Variants in RPL28 observed in about 807,000 individuals in gnomAD.
RPL28 encodes the protein large ribosomal subunit protein eL28.
In RPL28, 4 loss-of-function variants were observed where a neutral mutation model predicts 12.5. The observed-to-expected ratio is 0.32, with a 90% CI of 0.16 to 0.73. The LOEUF (loss-of-function observed/expected upper bound fraction) is 0.73. RPL28 is among the 30% of genes least tolerant of loss of function. The pLI is 0.66. For missense variants in RPL28, 214 were observed against 197.7 expected, an observed-to-expected ratio of 1.08 and a Z score of -0.49; for synonymous variants, 91 against 72.5, an observed-to-expected ratio of 1.26 and a Z score of -1.30.
chr19:55,387,596 T>C, intron 3 of RPL28: 1 of 1,400,254 alleles, frequency 7.1e-7, no homozygotes, highest in Non-Finnish European at 9.2e-7. Flanking sequence ...CCTGGGAAGC[T>C]GTTCATACCC....
At position 55,389,023 on chromosome 19, in the gene RPL28, A is replaced by T; in HGVS notation, c.*691A>T. ...CTGTCTCTTTGAGCTGGCTCTTGTC[A>T]CTTAGGTCTCATCTCAGTGGCCGCT... On this transcript the variant is annotated 3_prime_UTR_variant, in exon 5 of 5. Transcript: ENST00000344063. The T allele has an allele frequency of 5.1e-6, 5 of 985,196 alleles. No individual in the cohort carries two copies. The highest frequency in any genetic ancestry group is 4.8e-6 in the Non-Finnish European group (4 of 829,914). The allele number at this position is 985,196 out of a possible 1,614,324, so 61.0% of individuals were successfully genotyped here.
At chr19:55,386,751 G>T in intron 3 of RPL28, 58 bp downstream of exon 3, 1 of 1,610,740 alleles carries the variant, frequency 6.2e-7, no homozygotes, top group Non-Finnish European at 8.5e-7. Flanking sequence ...TGGGAGCTGT[G>T]ATTTTTTACT....
At chr19:55,386,521 A>G (rs200556505) in intron 2 of RPL28, 49 bp from the exon 3 acceptor site, 1 of 1,600,668 alleles carries the variant, frequency 6.2e-7, no homozygotes, top group Admixed American at 1.7e-5. Context: ...GGACCTTCGC[A>G]TGTCTCCGGG....
chr19:55,393,251 C>CTG (rs2090002858), downstream of RPL28, among the ~76,000 whole-genome samples: 2 of 123,962 alleles, frequency 1.6e-5, no homozygotes, highest in Non-Finnish European at 3.4e-5. Context: ...CGCACCCCCC[C>CTG]CCCCCCCCGA....
rs569338798 is a variant in RPL28 at position 55,397,609 on chromosome 19, T to A, written c.325-5334T>A. 1.4e-3 allele frequency among the ~76,000 whole-genome samples: 216 copies of A among 152,172 alleles called. 1 individual carries two copies. Among genetic ancestry groups the A allele is most frequent in the African/African-American group, 4.6e-3 (190 of 41,536 alleles). On this transcript the variant is annotated intron_variant, in intron 4 of 4. Coordinates refer to the RPL28 transcript ENST00000560055. ...GTTAGCCAGGATAGTCTCGATCTCC[T>A]GATCTTGTGATCCACCCGCCTCGAC...
At chr19:55,402,529 A>G (rs1431603084) in intron 4 of RPL28, among the ~76,000 whole-genome samples, 1 of 152,160 alleles carries the variant, frequency 6.6e-6, no homozygotes, top group Non-Finnish European at 1.5e-5. Flanking sequence ...GTCTGGGCAA[A>G]CTGGCCACAG....
chr19:55,399,194 TCTCG>T (rs1255662547), intron 4 of RPL28, among the ~76,000 whole-genome samples: 1 of 151,900 alleles, frequency 6.6e-6, no homozygotes, highest in East Asian at 1.9e-4. Context: ...TGAGACAGAG[TCTCG>T]CTCTGTCACC....
In RPL28 at chr19:55,389,497, A is replaced by G; in HGVS notation, c.*1165A>G. 1 of 985,356 alleles carries G rather than the reference A, an allele frequency of 1.0e-6. No individual in the cohort carries two copies. Among genetic ancestry groups the G allele is most frequent in the Non-Finnish European group, 1.2e-6 (1 of 829,924 alleles). 61.0% of individuals were successfully genotyped at this position (985,356 alleles called of 1,614,324 possible). A position where few individuals can be genotyped will look rare whatever the true frequency, so the allele number is the denominator to read the frequency against. On this transcript the variant is annotated 3_prime_UTR_variant, in exon 5 of 5. Transcript: ENST00000344063. Reference sequence around the variant, plus strand: ...CTGCCATCCTGGGGTACCCGATTCAAAGAAGGACTCTGCTCCCTGTCTGAG... The same window carrying G: ...CTGCCATCCTGGGGTACCCGATTCAGAGAAGGACTCTGCTCCCTGTCTGAG...
Position 55,388,825 on chromosome 19 carries a change from A to T in RPL28, c.*493A>T. 1 of 988,250 alleles carries T rather than the reference A, an allele frequency of 1.0e-6. No homozygotes were observed. The highest frequency in any genetic ancestry group is 1.2e-6 in the Non-Finnish European group (1 of 831,914). 61.2% of individuals were successfully genotyped at this position (988,250 alleles called of 1,614,324 possible). Reference sequence around the variant, plus strand: ...GCATCCAGGGAGTGGGTGCAGCCACATTTGGAGGGGATGGGCTTTACTTGA... The same window carrying T: ...GCATCCAGGGAGTGGGTGCAGCCACTTTTGGAGGGGATGGGCTTTACTTGA... On this transcript the variant is annotated 3_prime_UTR_variant, in exon 5 of 5. Coordinates refer to ENST00000344063, the MANE Select transcript of RPL28 (RefSeq NM_000991.5).
At position 55,389,948 on chromosome 19, in the gene RPL28, T is replaced by C. The variant is rs572961291; in HGVS notation, c.*1616T>C. The C allele has an allele frequency of 2.2e-4, 213 of 985,390 alleles. No individual in the cohort carries two copies. The highest frequency in any genetic ancestry group is 2.4e-4 in the Non-Finnish European group (202 of 829,984). The allele number at this position is 985,390 out of a possible 1,614,324, so 61.0% of individuals were successfully genotyped here. On this transcript the variant is annotated 3_prime_UTR_variant, in exon 5 of 5. Coordinates refer to ENST00000344063, the MANE Select transcript of RPL28 (RefSeq NM_000991.5). ...CCATCTCTGGCTGGCCTCACTGCGC[T>C]GGGACTCCGCCTTCATAAGGAGAGC...
chr19:55,402,752 A>G (rs1459900717), intron 4 of RPL28, among the ~76,000 whole-genome samples: 1 of 152,124 alleles, frequency 6.6e-6, no homozygotes, highest in African/African-American at 2.4e-5. Context: ...CTCGGTGCCA[A>G]TGTCCCCAGC....
chr19:55,391,979 C>T lies in RPL28; in HGVS notation c.*3647C>T. The T allele has an allele frequency of 2.6e-6, 3 of 1,167,450 alleles. No homozygotes were observed. The highest frequency in any genetic ancestry group is 3.2e-6 in the Non-Finnish European group (3 of 943,530). 72.3% of individuals were successfully genotyped at this position (1,167,450 alleles called of 1,614,324 possible). ...CCCGTGTTTGTGAATATCATTCTGT[C>T]CTCAGCTGCATTTCCAGCCCAGGCT... On this transcript the variant is annotated 3_prime_UTR_variant, in exon 5 of 5. Coordinates refer to ENST00000344063, the MANE Select transcript of RPL28 (RefSeq NM_000991.5).
At chr19:55,386,779 G>A (rs747187282) in intron 3 of RPL28, 86 bp downstream of exon 3, 1 of 1,611,808 alleles carries the variant, frequency 6.2e-7, no homozygotes, top group Non-Finnish European at 8.5e-7. Flanking sequence ...AGGAAGAGCG[G>A]TAACTGCCAT....
Position 55,386,661 on chromosome 19 carries a change from A to T in RPL28, c.173A>T (p.Lys58Ile). Residue 58 changes from lysine (K) to isoleucine (I), a missense_variant, in exon 3 of 5, where the codon AAA becomes ATA. Coordinates refer to ENST00000344063, the MANE Select transcript of RPL28 (RefSeq NM_000991.5). ...GGCGTGGAGCCGGCAGCCGACGGCA[A>T]AGGTGTCGTGGTGGTCATTAAGCGG... is the stretch of plus-strand genomic sequence containing the variant. ...TVGVEPAADG[K>I]GVVVVIKRRS... 1 of 1,614,132 alleles carries T rather than the reference A, an allele frequency of 6.2e-7. No individual in the cohort carries two copies. The highest frequency in any genetic ancestry group is 8.5e-7 in the Non-Finnish European group (1 of 1,180,012).
At position 55,389,306 on chromosome 19, in the gene RPL28, C is replaced by T; in HGVS notation, c.*974C>T. 1.0e-6 allele frequency: 1 copy of T among 962,448 alleles called. No homozygotes were observed. Among genetic ancestry groups the T allele is most frequent in the Non-Finnish European group, 1.2e-6 (1 of 809,050 alleles). The allele number at this position is 962,448 out of a possible 1,614,324, so 59.6% of individuals were successfully genotyped here. A position where few individuals can be genotyped will look rare whatever the true frequency, so the allele number is the denominator to read the frequency against. On this transcript the variant is annotated 3_prime_UTR_variant, in exon 5 of 5. Coordinates refer to ENST00000344063, the MANE Select transcript of RPL28 (RefSeq NM_000991.5). ...GCCAAGAGTATGAGGCTGCAGTGAG[C>T]CCATGAGCCCCACCACTACACTCCA...
downstream of RPL28, chr19:55,392,185 AC>A: frequency 2.3e-6 from 2 of 886,866 alleles, no homozygotes; most frequent in African/African-American, 3.6e-5. Flanking sequence ...TAAGTTAGCC[AC>A]CTGTGCTTCT....
downstream of RPL28, among the ~76,000 whole-genome samples, chr19:55,395,202 T>A (rs1271566473): frequency 6.6e-6 from 1 of 152,138 alleles, no homozygotes; most frequent in Non-Finnish European, 1.5e-5. Flanking sequence ...AGTGGTGCGA[T>A]CTCGGCTCAC....
intron 4 of RPL28, among the ~76,000 whole-genome samples, chr19:55,398,771 G>A (rs1449527506): frequency 6.6e-6 from 1 of 151,640 alleles, no homozygotes; most frequent in East Asian, 1.9e-4. Flanking sequence ...GTGCAATCTC[G>A]GCTCACTGCA....
At position 55,390,092 on chromosome 19, in the gene RPL28, G is replaced by A; in HGVS notation, c.*1760G>A. 1 of 985,530 alleles carries A rather than the reference G, an allele frequency of 1.0e-6. No individual in the cohort carries two copies. The highest frequency in any genetic ancestry group is 1.2e-6 in the Non-Finnish European group (1 of 829,990). The allele number at this position is 985,530 out of a possible 1,614,324, so 61.0% of individuals were successfully genotyped here. A position where few individuals can be genotyped will look rare whatever the true frequency, so the allele number is the denominator to read the frequency against. On this transcript the variant is annotated 3_prime_UTR_variant, in exon 5 of 5. Coordinates refer to ENST00000344063, the MANE Select transcript of RPL28 (RefSeq NM_000991.5). Reference sequence around the variant, plus strand: ...AAGCTGGCAGGTTTATCTGTCTCATGTTTGTCTTGTGCTGGTGGGCAAGGG... The same window carrying A: ...AAGCTGGCAGGTTTATCTGTCTCATATTTGTCTTGTGCTGGTGGGCAAGGG...
Sources: allele counts gnomAD v4.1 joint callset (sites outside exome capture counted in the v4.1 genomes callset), GRCh38; gene constraint gnomAD v4.1.1; transcripts MANE v1.5; gene names NCBI Gene and HGNC (gene_info 2026-07-23, HGNC 2026-07-21).